LPCAT1: variants seen among roughly 807,000 people sequenced by gnomAD.
The protein encoded by LPCAT1 is lysophosphatidylcholine acyltransferase 1, also known as 1-acylglycerol-3-phosphate O-acyltransferase.
LPCAT1 carries 23 observed loss-of-function variants against 60.9 expected under a neutral mutation model. The ratio of observed to expected loss-of-function variants is 0.38; its 90% CI spans 0.27 to 0.53. The LOEUF is 0.53. Among genes scored for constraint, LPCAT1 ranks in the 20% least tolerant of loss-of-function variants. The pLI is 0.82. For synonymous variants in LPCAT1, 340 were observed against 301.1 expected (o/e 1.13, Z -1.34); for missense variants, 622 against 723.6 (o/e 0.86, Z 1.61).
chr5:1,485,961 G>A (rs1363424306), intron 5 of LPCAT1, among the ~76,000 whole-genome samples: 2 of 152,180 alleles, frequency 1.3e-5, no homozygotes, highest in African/African-American at 2.4e-5. Context: ...CTGGGCCCAC[G>A]CAGCATCCTA....
chr5:1,516,585 G>T (rs768520704), intron 1 of LPCAT1, among the ~76,000 whole-genome samples: 7 of 152,028 alleles, frequency 4.6e-5, no homozygotes, highest in African/African-American at 7.3e-5. Flanking sequence ...CTACCCCAAG[G>T]GTTTTAAAAC....
rs143319377 is a variant in LPCAT1 at position 1,480,564 on chromosome 5, T to TCCC, written c.761+375_761+377dup. ...CACTGACTCACAGCAGGGGCTGGCC[T>TCCC]CCCACCCAGCACTACTCAGTCTCTG... On this transcript the variant is annotated intron_variant, in intron 7 of 13. Coordinates refer to ENST00000283415, the MANE Select transcript of LPCAT1 (RefSeq NM_024830.5). This position sits in a 1 kb window ranked among gnomAD's most constrained non-coding sequence, Gnocchi z 6.4. Among the ~76,000 whole-genome samples, 51 of 152,172 alleles carry TCCC rather than the reference T, an allele frequency of 3.4e-4. No individual in the cohort carries two copies. In the East Asian group the frequency reaches 5.0e-3, roughly 15 times the overall value.
chr5:1,517,207 T>G (rs2963279), intron 1 of LPCAT1, among the ~76,000 whole-genome samples: 84,791 of 151,968 alleles, frequency 0.56, 24,882 homozygotes, highest in African/African-American at 0.77. Flanking sequence ...CCACAGGACT[T>G]GGAGGGGACG....
At chr5:1,519,308 T>C (rs898559132) in intron 1 of LPCAT1, among the ~76,000 whole-genome samples, 2 of 152,380 alleles carry the variant, frequency 1.3e-5, no homozygotes, top group Middle Eastern at 3.4e-3. Context: ...TATGCACTTA[T>C]GTATATGTGT....
intron 1 of LPCAT1, among the ~76,000 whole-genome samples, chr5:1,514,269 T>C (rs1312354883): frequency 6.6e-6 from 1 of 152,234 alleles, no homozygotes; most frequent in Non-Finnish European, 1.5e-5. Flanking sequence ...CCCAGCCTCA[T>C]CTGCCCAGTG....
At position 1,480,792 on chromosome 5, in the gene LPCAT1, G is replaced by T; in HGVS notation, c.761+150C>A. 2.1e-6 allele frequency: 2 copies of T among 950,376 alleles called. No homozygotes were observed. Among genetic ancestry groups the T allele is most frequent in the Non-Finnish European group, 1.7e-6 (1 of 587,052 alleles). 58.9% of individuals were successfully genotyped at this position (950,376 alleles called of 1,614,324 possible). Reference sequence around the variant, plus strand: ...TGTCAGGCCTGGGCCACATCTGTACGTTTAGTTTTCACAATGGGCTGAACC... The same window carrying T: ...TGTCAGGCCTGGGCCACATCTGTACTTTTAGTTTTCACAATGGGCTGAACC... On this transcript the variant is annotated intron_variant, in intron 7 of 13. Transcript: ENST00000283415. The surrounding 1 kb of genome is among the most constrained non-coding windows in gnomAD (Gnocchi z 6.4).
Position 1,477,526 on chromosome 5 carries a change from T to C in LPCAT1, c.817-40A>G. 1.4e-6 allele frequency: 2 copies of C among 1,480,778 alleles called. No individual in the cohort carries two copies. The highest frequency in any genetic ancestry group is 1.4e-5 in the African/African-American group (1 of 71,844). 91.7% of individuals were successfully genotyped at this position (1,480,778 alleles called of 1,614,324 possible). On this transcript the variant is annotated intron_variant, in intron 8 of 13. Transcript: ENST00000283415. The surrounding 1 kb of genome is among the most constrained non-coding windows in gnomAD (Gnocchi z 6.0). ...AAGCTGCGTTAGTATCACAAGACGC[T>C]GACCTCAGCAACACCACTGTAACGA... is the stretch of plus-strand genomic sequence containing the variant.
rs1561000974 is a variant in LPCAT1 at position 1,523,329 on chromosome 5, A to G, written c.135+381T>C. Among the ~76,000 whole-genome samples the G allele has an allele frequency of 1.3e-5, 2 of 151,866 alleles. No individual in the cohort carries two copies. Among genetic ancestry groups the G allele is most frequent in the South Asian group, 4.1e-4 (2 of 4,826 alleles). On this transcript the variant is annotated intron_variant, in intron 1 of 13. Coordinates refer to ENST00000283415, the MANE Select transcript of LPCAT1 (RefSeq NM_024830.5). The surrounding 1 kb of genome is among the most constrained non-coding windows in gnomAD (Gnocchi z 7.1). ...CCAGGGACGAGCGCGGGGACCGGCG[A>G]TGCGGGTCCAGCCTCCCGCGGGAGC...
In LPCAT1 at chr5:1,474,027, G is replaced by C; in HGVS notation, c.1109C>G (p.Ala370Gly). ...GACTTCCAGGGAGGCGGCAAACTCC[G>C]CAATACCTATCTTCTCTCCTCCCTT... is the stretch of plus-strand genomic sequence containing the variant. The part of the protein sequence containing the change: ...RMKGGEKIGI[A>G]EFAASLEVPV... Residue 370 changes from alanine (A) to glycine (G), a missense_variant, in exon 11 of 14, where the codon GCG (alanine) becomes GGG (glycine). This residue lies in a region of LPCAT1 where 288 missense variants were observed against 283.6 expected (regional missense o/e 1.02). Coordinates refer to ENST00000283415, the MANE Select transcript of LPCAT1 (RefSeq NM_024830.5). 1.9e-6 allele frequency: 3 copies of C among 1,614,156 alleles called. No homozygotes were observed. Among genetic ancestry groups the C allele is most frequent in the Non-Finnish European group, 2.5e-6 (3 of 1,180,032 alleles).
chr5:1,497,670 T>G (rs1307858091), intron 2 of LPCAT1, among the ~76,000 whole-genome samples: 1 of 152,174 alleles, frequency 6.6e-6, no homozygotes, highest in African/African-American at 2.4e-5. Context: ...AGCCCCAGGC[T>G]GAGACGCAGG....
rs889566730 is a variant in LPCAT1 at position 1,523,884 on chromosome 5, G to C, written c.-40C>G. The C allele has an allele frequency of 9.7e-7, 1 of 1,029,500 alleles. No homozygotes were observed. Among genetic ancestry groups the C allele is most frequent in the African/African-American group, 1.7e-5 (1 of 57,646 alleles). 63.8% of individuals were successfully genotyped at this position (1,029,500 alleles called of 1,614,324 possible). Reference sequence around the variant, plus strand: ...GCGGCGAGCGCAGCCGAGCTGCCTGGGGCGCCGAGCGGGGCCGGGGCTAGC... The same window carrying C: ...GCGGCGAGCGCAGCCGAGCTGCCTGCGGCGCCGAGCGGGGCCGGGGCTAGC... On this transcript the variant is annotated 5_prime_UTR_variant, in exon 1 of 14. Coordinates refer to ENST00000283415, the MANE Select transcript of LPCAT1 (RefSeq NM_024830.5). This position sits in a 1 kb window ranked among gnomAD's most constrained non-coding sequence, Gnocchi z 7.1.
At position 1,495,081 on chromosome 5, in the gene LPCAT1, C is replaced by T. The variant is rs943217294; in HGVS notation, c.279-167G>A. 1.3e-5 allele frequency among the ~76,000 whole-genome samples: 2 copies of T among 152,202 alleles called. No homozygotes were observed. Among genetic ancestry groups the T allele is most frequent in the South Asian group, 2.1e-4 (1 of 4,836 alleles). On this transcript the variant is annotated intron_variant, in intron 2 of 13. Coordinates refer to ENST00000283415, the MANE Select transcript of LPCAT1 (RefSeq NM_024830.5). The surrounding 1 kb of genome is among the most constrained non-coding windows in gnomAD (Gnocchi z 4.7). ...CTGCTTGAGGGAAGAAAAGACGCCG[C>T]GCCTTCCTGGCCTCCGCCTGTGTCC...
chr5:1,498,421 C>G lies in LPCAT1; in HGVS notation c.278+3040G>C, dbSNP rs538883453. On this transcript the variant is annotated intron_variant, in intron 2 of 13. Transcript: ENST00000283415. ...CGCCAGGGGCTCCAGGGGTGGGATT[C>G]AATGCCAGGCAGCACGGGCAGCTTG... Among the ~76,000 whole-genome samples the G allele has an allele frequency of 1.8e-4, 27 of 152,188 alleles. 1 individual carries two copies. Among genetic ancestry groups the G allele is most frequent in the Non-Finnish European group, 3.7e-4 (25 of 68,022 alleles).
intron 1 of LPCAT1, among the ~76,000 whole-genome samples, chr5:1,511,045 G>A (rs1247567749): frequency 1.3e-5 from 2 of 152,208 alleles, no homozygotes; most frequent in African/African-American, 2.4e-5. Flanking sequence ...CCCCACCAGC[G>A]TCTGAGGGGC....
intron 8 of LPCAT1, among the ~76,000 whole-genome samples, chr5:1,478,494 C>A (rs1423538326): frequency 6.6e-6 from 1 of 152,256 alleles, no homozygotes; most frequent in Non-Finnish European, 1.5e-5. Context: ...CACCAGGGAG[C>A]CCTCAGGAGC....
intron 11 of LPCAT1, among the ~76,000 whole-genome samples, chr5:1,472,493 G>A (rs1376010050): frequency 1.3e-5 from 2 of 152,080 alleles, no homozygotes; most frequent in African/African-American, 4.8e-5. Context: ...GGAAGGTCTC[G>A]GGCTGGGGGT....
At chr5:1,478,283 A>G (rs552218787) in intron 8 of LPCAT1, among the ~76,000 whole-genome samples, 19 of 152,362 alleles carry the variant, frequency 1.2e-4, no homozygotes, top group African/African-American at 4.6e-4. Context: ...TCTAATACGG[A>G]ATATTTCAGA....
rs200423327 is a variant in LPCAT1 at position 1,489,848 on chromosome 5, C to T, written c.504G>A (p.Gln168=). The change falls in exon 4 of 14, where the codon CAG becomes CAA. Residue 168 remains glutamine (Q), a synonymous_variant. Coordinates refer to ENST00000283415, the MANE Select transcript of LPCAT1 (RefSeq NM_024830.5). ...RDIPIWGTLI[Q]YIRPVFVSRS... is the part of the protein sequence containing the mutation. The stretch of plus-strand genomic sequence containing the variant: ...GGGACACGAACACAGGCCGTATATA[C>T]TGGATCAGAGCTGGAAGAGAGGAGG... The T allele has an allele frequency of 1.2e-6, 2 of 1,611,192 alleles. No homozygotes were observed. Among genetic ancestry groups the T allele is most frequent in the Non-Finnish European group, 1.7e-6 (2 of 1,177,318 alleles).
At chr5:1,505,970 T>C (rs1423466656) in intron 1 of LPCAT1, among the ~76,000 whole-genome samples, 2 of 152,268 alleles carry the variant, frequency 1.3e-5, no homozygotes, top group African/African-American at 4.8e-5. Flanking sequence ...CCTCAGCCCA[T>C]GCACCCTTGT....
Sources: allele counts gnomAD v4.1 joint callset (sites outside exome capture counted in the v4.1 genomes callset), GRCh38; gene constraint gnomAD v4.1.1; regional missense constraint gnomAD v4.1.1; non-coding constraint Gnocchi (gnomAD v3.1); transcripts MANE v1.5; gene names NCBI Gene and HGNC (gene_info 2026-07-23, HGNC 2026-07-21).